GALNT2: variants seen among roughly 807,000 people sequenced by gnomAD.
The protein encoded by GALNT2 is UDP-GalNAc:polypeptide N-acetylgalactosaminyltransferase 2.
A neutral mutation model predicts 81.4 loss-of-function variants in GALNT2; 31 were observed. The observed-to-expected ratio is 0.38, with a 90% confidence interval of 0.29 to 0.51. The LOEUF (loss-of-function observed/expected upper bound fraction) is 0.51, where lower values mean the gene tolerates loss of function less well. Among genes scored for constraint, GALNT2 ranks in the 20% least tolerant of loss-of-function variants. The pLI, the probability that GALNT2 is intolerant of heterozygous loss-of-function variation, is 0.87. For missense variants in GALNT2, 629 were observed against 765.7 expected, an observed-to-expected ratio of 0.82 and a Z score of 2.11; for synonymous variants, 303 against 287.4, an observed-to-expected ratio of 1.05 and a Z score of -0.55.
rs535481065 is a variant in GALNT2 at position 230,107,109 on chromosome 1, G to A, written c.126+39703G>A. Among the ~76,000 whole-genome samples the A allele has an allele frequency of 5.9e-5, 9 of 152,316 alleles. No homozygotes were observed. In the South Asian group the frequency reaches 1.9e-3, roughly 32 times the overall value. ...TTCAGAAGTTGCATCTCGTCAGCAG[G>A]ATGAGTGCTTTTGGAATAGACAATC... On this transcript the variant is annotated intron_variant, in intron 1 of 15. Transcript: ENST00000366672.
chr1:230,134,356 C>G (rs940925033), intron 1 of GALNT2, among the ~76,000 whole-genome samples: 1 of 152,182 alleles, frequency 6.6e-6, no homozygotes, highest in Non-Finnish European at 1.5e-5. Context: ...ATCCGCCCGC[C>G]TTGGCCTCCC....
chr1:230,249,171 T>A lies in GALNT2; in HGVS notation c.818-13T>A. Reference sequence around the variant, plus strand: ...TCTCTTGTCAACACCCTGTTTCTTTTCCTGGCTGGCAGGTTTTGATTGGAA... The same window carrying A: ...TCTCTTGTCAACACCCTGTTTCTTTACCTGGCTGGCAGGTTTTGATTGGAA... On this transcript the variant is annotated splice_polypyrimidine_tract_variant and intron_variant, in intron 8 of 15. Coordinates refer to ENST00000366672, the MANE Select transcript of GALNT2 (RefSeq NM_004481.5). 1 of 1,613,736 alleles carries A rather than the reference T, an allele frequency of 6.2e-7. No homozygotes were observed. Among genetic ancestry groups the A allele is most frequent in the Non-Finnish European group, 8.5e-7 (1 of 1,179,630 alleles).
rs143409083 is a variant in GALNT2 at position 230,136,876 on chromosome 1, C to T, written c.127-41342C>T. On this transcript the variant is annotated intron_variant, in intron 1 of 15. Transcript: ENST00000366672. Reference sequence around the variant, plus strand: ...ATCACCCTCAGACCGAAGAGCCGGCCGTCTGTGCATTTTGCTTTTCCCGCA... The same window carrying T: ...ATCACCCTCAGACCGAAGAGCCGGCTGTCTGTGCATTTTGCTTTTCCCGCA... Among the ~76,000 whole-genome samples, 13 of 152,278 alleles carry T rather than the reference C, an allele frequency of 8.5e-5. No homozygotes were observed. In the South Asian group the frequency reaches 1.5e-3, roughly 17 times the overall value.
At chr1:230,174,455 A>C (rs1041067407) in intron 1 of GALNT2, among the ~76,000 whole-genome samples, 1 of 151,260 alleles carries the variant, frequency 6.6e-6, no homozygotes, top group African/African-American at 2.4e-5. Context: ...CAGTAGCTTC[A>C]TCATTTCCAA....
At chr1:230,262,335 G>A (rs1572151728) in intron 11 of GALNT2, 1 of 486,236 alleles carries the variant, frequency 2.1e-6, no homozygotes, top group East Asian at 3.2e-5. Context: ...TTGACCATCT[G>A]TGTGACAAGA....
At chr1:230,220,580 G>A (rs986659297) in intron 3 of GALNT2, among the ~76,000 whole-genome samples, 1 of 152,008 alleles carries the variant, frequency 6.6e-6, no homozygotes, top group African/African-American at 2.4e-5. Context: ...CTGTCACCAC[G>A]TGCTGGGTGG....
intron 1 of GALNT2, among the ~76,000 whole-genome samples, chr1:230,143,056 A>C (rs1239479304): frequency 2.6e-5 from 4 of 152,090 alleles, no homozygotes; most frequent in Non-Finnish European, 5.9e-5. Context: ...GAGCTGCCCA[A>C]GTCCATGTCT....
In GALNT2 at chr1:230,074,854, A is replaced by T. The variant is rs144548279; in HGVS notation, c.126+7448A>T. Among the ~76,000 whole-genome samples the T allele has an allele frequency of 8.4e-3, 1,286 of 152,308 alleles. 11 individuals are homozygous for T. Among genetic ancestry groups the T allele is most frequent in the Non-Finnish European group, 0.014 (921 of 68,026 alleles). On this transcript the variant is annotated intron_variant, in intron 1 of 15. Coordinates refer to ENST00000366672, the MANE Select transcript of GALNT2 (RefSeq NM_004481.5). The stretch of plus-strand genomic sequence containing the variant: ...TTAAGTGACTTTCCCAAGGTCACAG[A>T]GCTCACAGGTGGCAGACCCAGGGTT...
chr1:230,169,862 C>T (rs1353956279), intron 1 of GALNT2, among the ~76,000 whole-genome samples: 3 of 152,016 alleles, frequency 2.0e-5, no homozygotes, highest in Non-Finnish European at 4.4e-5. Context: ...AGAAATTTGC[C>T]CTCCTCTCAT....
At chr1:230,137,395 G>A (rs951713878) in intron 1 of GALNT2, among the ~76,000 whole-genome samples, 8 of 152,210 alleles carry the variant, frequency 5.3e-5, no homozygotes, top group Non-Finnish European at 8.8e-5. Context: ...AGGGTCTGCT[G>A]TGGAGGTGCC....
chr1:230,094,813 T>C (rs1257167248), intron 1 of GALNT2, among the ~76,000 whole-genome samples: 2 of 152,108 alleles, frequency 1.3e-5, no homozygotes, highest in Non-Finnish European at 2.9e-5. Flanking sequence ...TTAGGTCCCT[T>C]GTGTGTTGTT....
At chr1:230,097,876 C>G (rs957285222) in intron 1 of GALNT2, among the ~76,000 whole-genome samples, 3 of 152,138 alleles carry the variant, frequency 2.0e-5, no homozygotes, top group African/African-American at 4.8e-5. Context: ...CAAATTCTGT[C>G]TTTAGGTTTG....
chr1:230,082,297 C>T (rs527364417), intron 1 of GALNT2, among the ~76,000 whole-genome samples: 5 of 152,204 alleles, frequency 3.3e-5, no homozygotes, highest in Admixed American at 6.5e-5. Context: ...GTTCTCTAAT[C>T]GGTCAAAGTG....
chr1:230,228,900 T>C (rs560257523), intron 3 of GALNT2, among the ~76,000 whole-genome samples: 1 of 152,366 alleles, frequency 6.6e-6, no homozygotes, highest in East Asian at 1.9e-4. Flanking sequence ...ACTGGGCACT[T>C]TTTAATGTCC....
upstream of GALNT2, among the ~76,000 whole-genome samples, chr1:230,063,591 T>A (rs1391438351): frequency 6.6e-6 from 1 of 152,228 alleles, no homozygotes; most frequent in Non-Finnish European, 1.5e-5. Flanking sequence ...ATGGAAAGAC[T>A]TCCATAACCT....
chr1:230,218,412 G>A (rs1388575662), intron 3 of GALNT2, among the ~76,000 whole-genome samples: 1 of 152,218 alleles, frequency 6.6e-6, no homozygotes, highest in East Asian at 1.9e-4. Context: ...ATCTTGGCGT[G>A]TCAGTTAGCT....
chr1:230,201,365 A>G (rs1663887906), intron 2 of GALNT2, among the ~76,000 whole-genome samples: 1 of 152,086 alleles, frequency 6.6e-6, no homozygotes, highest in Non-Finnish European at 1.5e-5. Flanking sequence ...CTGTGATGAG[A>G]TGGGGGTTCT....
At chr1:230,191,612 A>C (rs910423737) in intron 2 of GALNT2, among the ~76,000 whole-genome samples, 1 of 152,204 alleles carries the variant, frequency 6.6e-6, no homozygotes, top group Non-Finnish European at 1.5e-5. Flanking sequence ...CCTGGGCTTA[A>C]GCAGTCCTCC....
chr1:230,119,367 T>A lies in GALNT2; in HGVS notation c.126+51961T>A, dbSNP rs961815844. 2.0e-5 allele frequency among the ~76,000 whole-genome samples: 3 copies of A among 152,216 alleles called. 1 individual carries two copies. The highest frequency in any genetic ancestry group is 3.9e-4 in the East Asian group (2 of 5,194). ...TTTCCATGTTCCTCCGTGCTCTGTT[T>A]CCTGCAAATGTGAAGTCGGGTGTAG... On this transcript the variant is annotated intron_variant, in intron 1 of 15. Coordinates refer to ENST00000366672, the MANE Select transcript of GALNT2 (RefSeq NM_004481.5).
Sources: gnomAD v4.1 joint callset for allele counts (sites outside exome capture counted in the v4.1 genomes callset) on GRCh38, gnomAD v4.1.1 for gene constraint, MANE v1.5 for transcripts, NCBI Gene and HGNC (gene_info 2026-07-23, HGNC 2026-07-21) for gene names.